Variants in SPATS2L observed in about 807,000 individuals in gnomAD.
SPATS2L encodes spermatogenesis associated serine rich 2 like.
In SPATS2L, 30 loss-of-function variants were observed where a neutral mutation model predicts 59.6. The ratio of observed to expected loss-of-function variants is 0.50; its 90% confidence interval spans 0.38 to 0.68. The LOEUF (loss-of-function observed/expected upper bound fraction) is 0.68. SPATS2L is among the 30% of genes least tolerant of loss of function. SPATS2L has a pLI of 0.00. For synonymous variants in SPATS2L, 252 were observed against 263.5 expected (o/e 0.96, Z 0.42); for missense variants, 615 against 700.0 (o/e 0.88, Z 1.37).
At position 200,328,426 on chromosome 2, in the gene SPATS2L, G is replaced by T. The variant is rs114027842; in HGVS notation, c.-72-1005G>T. On this transcript the variant is annotated intron_variant, in intron 1 of 12. Transcript: ENST00000409140. ...GGAGAAAAAGTTAGTCCAAAAGAAAGTCACAGTTGTAAAGTAGAATCTCAG... is the reference window on the plus strand; with the variant it reads ...GGAGAAAAAGTTAGTCCAAAAGAAATTCACAGTTGTAAAGTAGAATCTCAG... Among the ~76,000 whole-genome samples, 910 of 152,282 alleles carry T rather than the reference G, an allele frequency of 6.0e-3. 12 individuals are homozygous for T. Among genetic ancestry groups the T allele is most frequent in the African/African-American group, 0.02 (851 of 41,540 alleles).
chr2:200,471,736 C>T (rs973857623), intron 11 of SPATS2L, among the ~76,000 whole-genome samples: 4 of 152,192 alleles, frequency 2.6e-5, no homozygotes, highest in Non-Finnish European at 5.9e-5. Flanking sequence ...GTCACACCTT[C>T]CCAGTACACT....
intron 4 of SPATS2L, 77 bp from the exon 5 acceptor site, chr2:200,416,302 G>T: frequency 2.3e-4 from 128 of 552,088 alleles, no homozygotes; most frequent in Non-Finnish European, 3.2e-4. Context: ...CTGCTACCAA[G>T]ATGGAAAGAC....
intron 1 of SPATS2L, among the ~76,000 whole-genome samples, chr2:200,315,856 CAAAAAAAAAAA>C (rs374718905): frequency 1.1e-5 from 1 of 90,934 alleles, no homozygotes; most frequent in African/African-American, 4.9e-5. Flanking sequence ...ACCAAAAATC[CAAAAAAAAAAA>C]AAAAAAAAAG....
At chr2:200,357,974 G>A (rs1230328836) in intron 2 of SPATS2L, among the ~76,000 whole-genome samples, 4 of 152,088 alleles carry the variant, frequency 2.6e-5, no homozygotes, top group Admixed American at 1.3e-4. Flanking sequence ...CTGAGACAAG[G>A]AAACTGGCCT....
At chr2:200,387,876 A>C (rs1310066736) in intron 2 of SPATS2L, among the ~76,000 whole-genome samples, 1 of 152,216 alleles carries the variant, frequency 6.6e-6, no homozygotes, top group African/African-American at 2.4e-5. Context: ...AATCTATTAA[A>C]GTCTTAAGAT....
chr2:200,387,983 C>T (rs2082044511), intron 2 of SPATS2L, among the ~76,000 whole-genome samples: 1 of 152,004 alleles, frequency 6.6e-6, no homozygotes, highest in African/African-American at 2.4e-5. Context: ...CAGAGGGGGC[C>T]ACTTTACAAA....
At chr2:200,307,957 A>G (rs146999024) in intron 1 of SPATS2L, among the ~76,000 whole-genome samples, 58 of 149,806 alleles carry the variant, frequency 3.9e-4, no homozygotes, top group African/African-American at 1.4e-3. Context: ...ACACAGTCTC[A>G]TTGCTTATTT....
At chr2:200,337,767 C>T (rs904844676) in intron 2 of SPATS2L, among the ~76,000 whole-genome samples, 1 of 152,160 alleles carries the variant, frequency 6.6e-6, no homozygotes, top group African/African-American at 2.4e-5. Flanking sequence ...GATGGCCTCT[C>T]TTCTTTTTCT....
Position 200,341,962 on chromosome 2 carries a change from A to G in SPATS2L, c.-23+12482A>G, listed in dbSNP as rs570093008. Among the ~76,000 whole-genome samples the G allele has an allele frequency of 1.4e-4, 22 of 152,270 alleles. No individual in the cohort carries two copies. The East Asian group carries it at 4.2e-3, about 29-fold the overall frequency. On this transcript the variant is annotated intron_variant, in intron 2 of 12. Coordinates refer to ENST00000409140, the MANE Select transcript of SPATS2L (RefSeq NM_001100423.2). The stretch of plus-strand genomic sequence containing the variant: ...CTCAGCCTCCCGAAGTGCTGGGATT[A>G]CAGGCGTGAGCCACCGCGCCCGGCC...
At chr2:200,433,951 A>G (rs2084107660) in intron 6 of SPATS2L, among the ~76,000 whole-genome samples, 1 of 152,106 alleles carries the variant, frequency 6.6e-6, no homozygotes, top group Non-Finnish European at 1.5e-5. Context: ...TTATGAGGCC[A>G]GCATAACTCG....
At chr2:200,358,648 G>A (rs912886653) in intron 2 of SPATS2L, among the ~76,000 whole-genome samples, 6 of 150,980 alleles carry the variant, frequency 4.0e-5, no homozygotes, top group Non-Finnish European at 7.4e-5. Flanking sequence ...TCAAGCAAAT[G>A]TAGTAATATC....
At chr2:200,316,346 T>A (rs1327861491) in intron 1 of SPATS2L, among the ~76,000 whole-genome samples, 4 of 152,182 alleles carry the variant, frequency 2.6e-5, no homozygotes, top group Non-Finnish European at 5.9e-5. Context: ...GAGTAGGCAT[T>A]TTGTATAAGA....
intron 3 of SPATS2L, among the ~76,000 whole-genome samples, chr2:200,396,153 G>A (rs553409495): frequency 2.1e-4 from 30 of 144,802 alleles, no homozygotes; most frequent in African/African-American, 7.2e-4. Flanking sequence ...TTTTTCAAAC[G>A]TTTATAGCTA....
intron 2 of SPATS2L, among the ~76,000 whole-genome samples, chr2:200,377,651 G>A (rs867702968): frequency 6.6e-6 from 1 of 152,112 alleles, no homozygotes; most frequent in Non-Finnish European, 1.5e-5. Context: ...TTCTCACCCT[G>A]GCTTTTTGCC....
chr2:200,427,743 C>A (rs2083661562), intron 6 of SPATS2L, among the ~76,000 whole-genome samples: 1 of 152,032 alleles, frequency 6.6e-6, no homozygotes, highest in Non-Finnish European at 1.5e-5. Flanking sequence ...GCTGCATAAA[C>A]CTGTCTATTT....
chr2:200,383,481 A>C (rs963087615), intron 2 of SPATS2L, among the ~76,000 whole-genome samples: 1 of 152,206 alleles, frequency 6.6e-6, no homozygotes, highest in African/African-American at 2.4e-5. Flanking sequence ...GCCACATTCA[A>C]ATCTGGCTTT....
chr2:200,382,467 C>T (rs1002528561), intron 2 of SPATS2L, among the ~76,000 whole-genome samples: 12 of 152,324 alleles, frequency 7.9e-5, no homozygotes, highest in Admixed American at 3.9e-4. Flanking sequence ...CCTGCAAATG[C>T]GCAAGGCATA....
At chr2:200,448,907 G>A (rs2085248338) in intron 8 of SPATS2L, among the ~76,000 whole-genome samples, 1 of 152,120 alleles carries the variant, frequency 6.6e-6, no homozygotes, top group Non-Finnish European at 1.5e-5. Context: ...TTGCTGTCTA[G>A]CTGACAAATT....
At chr2:200,345,311 A>G (rs938301755) in intron 2 of SPATS2L, among the ~76,000 whole-genome samples, 1 of 152,194 alleles carries the variant, frequency 6.6e-6, no homozygotes, top group East Asian at 1.9e-4. Flanking sequence ...TTCCAGCAAC[A>G]AAGGTTATTT....
Sources: gnomAD v4.1 joint callset for allele counts (sites outside exome capture counted in the v4.1 genomes callset) on GRCh38, gnomAD v4.1.1 for gene constraint, MANE v1.5 for transcripts, NCBI Gene and HGNC (gene_info 2026-07-23, HGNC 2026-07-21) for gene names.